The following CADM1 variants were observed in gnomAD, a reference collection of about 807,000 sequenced individuals.
CADM1 encodes TSLC-1.
In CADM1, 15 loss-of-function variants were observed where a neutral mutation model predicts 53.1. That is an observed-to-expected ratio of 0.28 (90% CI 0.19 to 0.44). The LOEUF is 0.44. Among genes scored for constraint, CADM1 ranks in the 20% least tolerant of loss-of-function variants. CADM1 has a pLI of 1.00. For synonymous variants in CADM1, 281 were observed against 243.0 expected (o/e 1.16, Z -1.45); for missense variants, 434 against 611.3 (o/e 0.71, Z 3.06).
At chr11:115,312,029 G>A (rs10891827) in intron 1 of CADM1, among the ~76,000 whole-genome samples, 7,717 of 152,172 alleles carry the variant, frequency 0.051, 635 homozygotes, top group African/African-American at 0.17. Context: ...GTGACTAGGA[G>A]TTCCATGAAC....
In CADM1 at chr11:115,415,823, C is replaced by CAA. The variant is rs71066426; in HGVS notation, c.124+88446_124+88447dup. 4.1e-3 allele frequency among the ~76,000 whole-genome samples: 180 copies of CAA among 43,692 alleles called. 13 individuals are homozygous for CAA. The highest frequency in any genetic ancestry group is 6.3e-3 in the African/African-American group (51 of 8,056). The allele number at this position is 43,692 out of a possible 152,430, so 28.7% of individuals were successfully genotyped here. On this transcript the variant is annotated intron_variant, in intron 1 of 11. Coordinates refer to ENST00000331581, the MANE Select transcript of CADM1 (RefSeq NM_001301043.2). ...TCAGGCAACAGAGTGAGACTGTCTC[C>CAA]AAAAAAAAAAAAAAAAAAAAAAAAA... is the stretch of plus-strand genomic sequence containing the variant.
chr11:115,184,337 G>T (rs1939445005), intron 10 of CADM1, among the ~76,000 whole-genome samples: 1 of 152,138 alleles, frequency 6.6e-6, no homozygotes, highest in Non-Finnish European at 1.5e-5. Flanking sequence ...ATTACTGAAG[G>T]GGAACAAACT....
At chr11:115,407,284 T>C (rs1277903182) in intron 1 of CADM1, among the ~76,000 whole-genome samples, 1 of 152,208 alleles carries the variant, frequency 6.6e-6, no homozygotes, top group Non-Finnish European at 1.5e-5. Context: ...CTCTGAAATA[T>C]TAATTTCACA....
intron 1 of CADM1, among the ~76,000 whole-genome samples, chr11:115,467,987 G>C (rs1463056872): frequency 2.0e-5 from 3 of 152,124 alleles, no homozygotes; most frequent in Non-Finnish European, 4.4e-5. Context: ...CAATAAAAGT[G>C]AATATATTCT....
At chr11:115,262,622 G>GCT (rs1943010552) in intron 1 of CADM1, among the ~76,000 whole-genome samples, 1 of 152,166 alleles carries the variant, frequency 6.6e-6, no homozygotes. Context: ...TGCGTACCAA[G>GCT]CTCTGCAAAG....
At chr11:115,393,795 A>G (rs1946909621) in intron 1 of CADM1, among the ~76,000 whole-genome samples, 1 of 152,184 alleles carries the variant, frequency 6.6e-6, no homozygotes, top group Admixed American at 6.5e-5. Flanking sequence ...GAGAAAATAC[A>G]AAGCATTATG....
chr11:115,486,640 T>C (rs572293029), intron 1 of CADM1, among the ~76,000 whole-genome samples: 2 of 152,326 alleles, frequency 1.3e-5, no homozygotes, highest in Admixed American at 1.3e-4. Context: ...CCATAGTACC[T>C]GGCCTTGAAT....
At chr11:115,268,794 A>G (rs1943216897) in intron 1 of CADM1, among the ~76,000 whole-genome samples, 1 of 152,350 alleles carries the variant, frequency 6.6e-6, no homozygotes, top group South Asian at 2.1e-4. Context: ...CTTTAGAGTC[A>G]GTTACCAGTG....
intron 1 of CADM1, among the ~76,000 whole-genome samples, chr11:115,310,501 G>T (rs1393768880): frequency 2.6e-5 from 4 of 152,080 alleles, no homozygotes; most frequent in African/African-American, 4.8e-5. Flanking sequence ...ATGTATGGGG[G>T]GGTGGAGAAA....
chr11:115,193,426 T>C (rs1939991354), intron 9 of CADM1, among the ~76,000 whole-genome samples: 1 of 152,256 alleles, frequency 6.6e-6, no homozygotes, highest in South Asian at 2.1e-4. Context: ...ATTTAATATA[T>C]GCATGATAGC....
At chr11:115,239,764 C>T (rs1036214272) in intron 2 of CADM1, among the ~76,000 whole-genome samples, 18 of 151,330 alleles carry the variant, frequency 1.2e-4, no homozygotes, top group African/African-American at 4.4e-4. Flanking sequence ...AGCCCTGACA[C>T]TGATATGAAC....
intron 1 of CADM1, among the ~76,000 whole-genome samples, chr11:115,462,289 A>T (rs960266389): frequency 6.6e-6 from 1 of 152,244 alleles, no homozygotes; most frequent in Non-Finnish European, 1.5e-5. Context: ...TCCGCCGGAC[A>T]AATGAATGGC....
chr11:115,390,232 A>T (rs1258039561), intron 1 of CADM1, among the ~76,000 whole-genome samples: 1 of 152,188 alleles, frequency 6.6e-6, no homozygotes, highest in African/African-American at 2.4e-5. Context: ...TTTTTGAGCT[A>T]AACAGTCACA....
chr11:115,466,146 G>A (rs541783243), intron 1 of CADM1, among the ~76,000 whole-genome samples: 236 of 152,174 alleles, frequency 1.6e-3, no homozygotes, highest in Non-Finnish European at 2.3e-3. Flanking sequence ...CCACCCTGTG[G>A]CACCCCAAAA....
At chr11:115,439,595 T>G (rs550554770) in intron 1 of CADM1, among the ~76,000 whole-genome samples, 1 of 152,290 alleles carries the variant, frequency 6.6e-6, no homozygotes, top group South Asian at 2.1e-4. Flanking sequence ...TTTGCAGAGA[T>G]GTCCACATGC....
At chr11:115,373,583 C>CAAAAAAAAAAA (rs35059216) in intron 1 of CADM1, among the ~76,000 whole-genome samples, 3 of 48,836 alleles carry the variant, frequency 6.1e-5, no homozygotes, top group African/African-American at 2.1e-4. Flanking sequence ...GACTCTGTCT[C>CAAAAAAAAAAA]AAAAAAAAAA....
intron 1 of CADM1, among the ~76,000 whole-genome samples, chr11:115,497,639 T>G (rs943954450): frequency 6.6e-6 from 1 of 152,168 alleles, no homozygotes; most frequent in Non-Finnish European, 1.5e-5. Flanking sequence ...AAAAAGAAAC[T>G]GTGGCTTCTG....
At chr11:115,226,079 T>C (rs567662762) in intron 5 of CADM1, among the ~76,000 whole-genome samples, 96 of 152,266 alleles carry the variant, frequency 6.3e-4, no homozygotes, top group Non-Finnish European at 9.3e-4. Flanking sequence ...TGATAACCTA[T>C]TGTTTCTCAC....
intron 1 of CADM1, among the ~76,000 whole-genome samples, chr11:115,421,526 C>T (rs1478597582): frequency 6.6e-6 from 1 of 152,226 alleles, no homozygotes; most frequent in Non-Finnish European, 1.5e-5. Flanking sequence ...CAGACGCGCT[C>T]ACCAGCGGTG....
Sources: gnomAD v4.1 joint callset for allele counts (sites outside exome capture counted in the v4.1 genomes callset) on GRCh38, gnomAD v4.1.1 for gene constraint, MANE v1.5 for transcripts, NCBI Gene and HGNC (gene_info 2026-07-23, HGNC 2026-07-21) for gene names.